The following RORA variants were observed in gnomAD, a reference collection of about 807,000 sequenced individuals.
RORA encodes the protein nuclear receptor ROR-alpha.
In RORA, 7 loss-of-function variants were observed where a neutral mutation model predicts 69.5. The observed-to-expected ratio is 0.10, with a 90% CI of 0.06 to 0.19. The LOEUF is 0.19. Ranked by LOEUF, RORA falls within the 10% of genes least tolerant of loss-of-function variation. RORA has a pLI of 1.00. For synonymous variants in RORA, 261 were observed against 240.8 expected (o/e 1.08, Z -0.78); for missense variants, 457 against 663.0 (o/e 0.69, Z 3.41).
At chr15:60,755,172 C>T (rs1213618993) in intron 1 of RORA, among the ~76,000 whole-genome samples, 1 of 124,644 alleles carries the variant, frequency 8.0e-6, no homozygotes, top group African/African-American at 3.1e-5. Context: ...GTGTGATGTT[C>T]CCCTTCCTGT....
chr15:60,592,809 T>C, intron 2 of RORA: 1 of 605,278 alleles, frequency 1.7e-6, no homozygotes, highest in Non-Finnish European at 2.7e-6. Flanking sequence ...CGGGATCACC[T>C]GTGGCCGCCG....
At chr15:60,961,545 C>T (rs1222269433) in intron 1 of RORA, among the ~76,000 whole-genome samples, 3 of 152,208 alleles carry the variant, frequency 2.0e-5, no homozygotes, top group Non-Finnish European at 2.9e-5. Context: ...TGCCATAAAG[C>T]GTCTCAGCTG....
chr15:60,617,995 A>G (rs1050238983), intron 2 of RORA, among the ~76,000 whole-genome samples: 19 of 152,356 alleles, frequency 1.2e-4, no homozygotes, highest in African/African-American at 4.3e-4. Context: ...AAAACTAAGA[A>G]GTCATAGAGA....
rs985144148 is a variant in RORA, at chr15:60,890,392, A to G, written c.167-211706T>C. On this transcript the variant is annotated intron_variant, in intron 1 of 10. Coordinates refer to ENST00000335670, the MANE Select transcript of RORA (RefSeq NM_134261.3). ...CAGAGTACACAAATTTTAAATAAGG[A>G]AGAAATTGCATGCTTGCCATCAAGA... 2.0e-5 allele frequency among the ~76,000 whole-genome samples: 3 copies of G among 152,252 alleles called. 1 individual carries two copies. The highest frequency in any genetic ancestry group is 6.5e-5 in the Admixed American group (1 of 15,288).
At chr15:60,885,564 C>T (rs1028267842) in intron 1 of RORA, among the ~76,000 whole-genome samples, 4 of 152,220 alleles carry the variant, frequency 2.6e-5, no homozygotes, top group Admixed American at 2.0e-4. Flanking sequence ...GTGTGTTTTA[C>T]AGTGATAGAC....
chr15:60,807,190 G>T (rs2072671521), intron 1 of RORA, among the ~76,000 whole-genome samples: 1 of 152,078 alleles, frequency 6.6e-6, no homozygotes, highest in Admixed American at 6.6e-5. Context: ...AAGCTTCTAG[G>T]TCTGATACAT....
chr15:61,100,340 G>C (rs1205413659), intron 1 of RORA, among the ~76,000 whole-genome samples: 2 of 152,076 alleles, frequency 1.3e-5, no homozygotes, highest in African/African-American at 2.4e-5. Context: ...GGCTGGTCTT[G>C]AACTCCTGAC....
Position 61,004,808 on chromosome 15 carries a change from G to A in RORA, c.166+224245C>T, listed in dbSNP as rs530143454. Among the ~76,000 whole-genome samples, 13 of 152,224 alleles carry A rather than the reference G, an allele frequency of 8.5e-5. 1 individual carries two copies. Among genetic ancestry groups the A allele is most frequent in the African/African-American group, 1.7e-4 (7 of 41,520 alleles). ...GTGTAAAGAAATGAAAAAAAATGTC[G>A]AACCTCACTTATAATCAAAGCTATG... On this transcript the variant is annotated intron_variant, in intron 1 of 10. Coordinates refer to ENST00000335670, the MANE Select transcript of RORA (RefSeq NM_134261.3).
chr15:61,051,867 G>GA (rs2078019532), intron 1 of RORA, among the ~76,000 whole-genome samples: 1 of 152,180 alleles, frequency 6.6e-6, no homozygotes, highest in South Asian at 2.1e-4. Context: ...TCTGCAGCAC[G>GA]AATTACCAAG....
In RORA at chr15:60,639,037, C is replaced by T. The variant is rs895865719; in HGVS notation, c.196+39620G>A. Among the ~76,000 whole-genome samples the T allele has an allele frequency of 3.9e-5, 6 of 152,186 alleles. 1 individual carries two copies. The highest frequency in any genetic ancestry group is 5.9e-5 in the Non-Finnish European group (4 of 68,024). Reference sequence around the variant, plus strand: ...CTGCGTTAGTCTGGCTTGAGAACAGCGAAACCGTGCCTCCTTCTCTAATTA... The same window carrying T: ...CTGCGTTAGTCTGGCTTGAGAACAGTGAAACCGTGCCTCCTTCTCTAATTA... On this transcript the variant is annotated intron_variant, in intron 2 of 10. Transcript: ENST00000335670.
At chr15:60,781,878 C>T (rs188721901) in intron 1 of RORA, among the ~76,000 whole-genome samples, 31 of 152,292 alleles carry the variant, frequency 2.0e-4, no homozygotes, top group Admixed American at 7.8e-4. Context: ...GGTGGGGAGC[C>T]CAGCAGCGTG....
intron 2 of RORA, among the ~76,000 whole-genome samples, chr15:60,616,294 T>C (rs1187224586): frequency 6.6e-6 from 1 of 152,188 alleles, no homozygotes; most frequent in Non-Finnish European, 1.5e-5. Context: ...GGTGGTGCTA[T>C]GACGCGTCTT....
At chr15:61,112,525 G>T (rs1410231608) in intron 1 of RORA, among the ~76,000 whole-genome samples, 2 of 152,174 alleles carry the variant, frequency 1.3e-5, no homozygotes, top group Non-Finnish European at 2.9e-5. Flanking sequence ...ACGTTTTGAG[G>T]CAAAGAGAAA....
intron 2 of RORA, among the ~76,000 whole-genome samples, chr15:60,567,318 C>A (rs1394301768): frequency 6.6e-6 from 1 of 152,038 alleles, no homozygotes; most frequent in Non-Finnish European, 1.5e-5. Context: ...ACCTGCCACA[C>A]TCACACCACC....
intron 1 of RORA, among the ~76,000 whole-genome samples, chr15:60,976,594 A>G (rs772974824): frequency 2.0e-5 from 3 of 152,170 alleles, no homozygotes; most frequent in Admixed American, 6.5e-5. Flanking sequence ...CCAGCTGATA[A>G]TGAAGAGACA....
At chr15:60,812,319 C>A (rs1300085941) in intron 1 of RORA, among the ~76,000 whole-genome samples, 2 of 152,096 alleles carry the variant, frequency 1.3e-5, no homozygotes, top group South Asian at 2.1e-4. Flanking sequence ...GCCTGAGCAA[C>A]ATACTGAGAC....
chr15:60,698,984 A>T (rs1212622864), intron 1 of RORA, among the ~76,000 whole-genome samples: 1 of 152,028 alleles, frequency 6.6e-6, no homozygotes, highest in African/African-American at 2.4e-5. Context: ...GTCCTTTACT[A>T]CTTACTAATT....
chr15:60,625,550 C>T (rs577665859), intron 2 of RORA, among the ~76,000 whole-genome samples: 1 of 152,192 alleles, frequency 6.6e-6, no homozygotes, highest in Non-Finnish European at 1.5e-5. Flanking sequence ...AGCCTGAAAA[C>T]AAATTAAAAA....
intron 1 of RORA, among the ~76,000 whole-genome samples, chr15:61,126,988 T>C (rs1404217376): frequency 6.6e-6 from 1 of 152,198 alleles, no homozygotes; most frequent in African/African-American, 2.4e-5. Flanking sequence ...ATAATTTCAT[T>C]TGGAGCCTCA....
Sources: allele counts gnomAD v4.1 joint callset (sites outside exome capture counted in the v4.1 genomes callset), GRCh38; gene constraint gnomAD v4.1.1; transcripts MANE v1.5; gene names NCBI Gene and HGNC (gene_info 2026-07-23, HGNC 2026-07-21).